The following LMOD3 variants were observed in gnomAD, a reference collection of about 807,000 sequenced individuals.
LMOD3 encodes leiomodin-3.
A neutral mutation model predicts 41.8 loss-of-function variants in LMOD3; 31 were observed. The ratio of observed to expected loss-of-function variants is 0.74; its 90% CI spans 0.56 to 1.00. LMOD3 has a LOEUF of 1.00. LMOD3 is among the 50% of genes least tolerant of loss of function. The pLI, the probability that LMOD3 is intolerant of heterozygous loss-of-function variation, is 0.00. For missense variants in LMOD3, 755 were observed against 679.5 expected (o/e 1.11, Z -1.23); for synonymous variants, 292 against 241.9 (o/e 1.21, Z -1.92).
intron 2 of LMOD3, among the ~76,000 whole-genome samples, chr3:69,113,484 T>G (rs566781708): frequency 6.6e-6 from 1 of 152,312 alleles, no homozygotes; most frequent in East Asian, 1.9e-4. Context: ...TGAAGATGAA[T>G]GCTGAAGGGT....
At position 69,106,632 on chromosome 3, in the gene LMOD3, T is replaced by C. The variant is rs1288952281; in HGVS notation, c.*2463A>G. 2.0e-5 allele frequency among the ~76,000 whole-genome samples: 3 copies of C among 152,070 alleles called. No individual in the cohort carries two copies. The East Asian group carries it at 5.8e-4, about 29-fold the overall frequency. ...ATAAAAACCCTCTTACTGTGCATTT[T>C]GAAATTCCTGACTTTAATAATACTG... On this transcript the variant is annotated 3_prime_UTR_variant, in exon 3 of 3. Transcript: ENST00000420581.
At chr3:69,121,791 G>A (rs911706760) in intron 1 of LMOD3, among the ~76,000 whole-genome samples, 4 of 152,156 alleles carry the variant, frequency 2.6e-5, no homozygotes, top group African/African-American at 9.7e-5. Flanking sequence ...ACTGCCTCTG[G>A]GTTATGAGTT....
At position 69,119,857 on chromosome 3, in the gene LMOD3, ACT is replaced by A. The variant is rs2092398694; in HGVS notation, c.496_497del (p.Ser166Ter). On this transcript the variant is annotated frameshift_variant, in exon 2 of 3. Transcript: ENST00000420581. LOFTEE classifies it high-confidence loss of function. Reference protein sequence around the residue: ...DDEGEDDGEESEETNREEEGK... With the variant: ...DDEGEDDGEEXEETNREEEGK... ...CTTCCTCTTCTCTGTTCGTTTCTTC[ACT>A]CTCTTCACCATCATCTTCTCCTTCG... 2.6e-6 allele frequency: 4 copies of A among 1,556,500 alleles called. No individual in the cohort carries two copies. In the Admixed American group the frequency reaches 5.9e-5, roughly 23 times the overall value.
intron 2 of LMOD3, among the ~76,000 whole-genome samples, chr3:69,110,197 C>G (rs569850198): frequency 6.2e-4 from 95 of 152,018 alleles, no homozygotes; most frequent in South Asian, 1.7e-3. Context: ...CCAGCTTGAA[C>G]AACAAAGTGA....
rs547498812 is a variant in LMOD3, at chr3:69,110,981, A to G, written c.1657-1860T>C. Among the ~76,000 whole-genome samples the G allele has an allele frequency of 3.3e-5, 5 of 151,490 alleles. No homozygotes were observed. In the South Asian group the frequency reaches 1.1e-3, roughly 32 times the overall value. The stretch of plus-strand genomic sequence containing the variant: ...GCCTCATAGGAAAACCTTAAGGACA[A>G]AGCAAGTTTTTAAAGGGTTTCAAGT... On this transcript the variant is annotated intron_variant, in intron 2 of 2. Transcript: ENST00000420581.
chr3:69,113,541 G>T (rs2092358671), intron 2 of LMOD3, among the ~76,000 whole-genome samples: 1 of 152,212 alleles, frequency 6.6e-6, no homozygotes, highest in South Asian at 2.1e-4. Context: ...ATGTGTCATG[G>T]AGTCTTTTGA....
chr3:69,110,852 A>ATT (rs1391932505), intron 2 of LMOD3, among the ~76,000 whole-genome samples: 1 of 132,710 alleles, frequency 7.5e-6, no homozygotes, highest in African/African-American at 3.0e-5. Flanking sequence ...AAAAAAAAAA[A>ATT]AATATATATA....
chr3:69,110,919 A>G (rs1186118235), intron 2 of LMOD3, among the ~76,000 whole-genome samples: 1 of 148,908 alleles, frequency 6.7e-6, no homozygotes, highest in Non-Finnish European at 1.5e-5. Flanking sequence ...TAAAACAACA[A>G]CAGAAGTCCA....
intron 2 of LMOD3, among the ~76,000 whole-genome samples, chr3:69,116,500 A>C (rs72924880): frequency 0.029 from 4,423 of 152,300 alleles, 185 homozygotes; most frequent in African/African-American, 0.092. Context: ...CACCACCACC[A>C]AATACACTTA....
Position 69,107,015 on chromosome 3 carries a change from C to G in LMOD3, c.*2080G>C, listed in dbSNP as rs1209486016. The stretch of plus-strand genomic sequence containing the variant: ...GAGCCACCGCACCGGCCTAGAATTT[C>G]AACTACTAATTTACATTAAGCTTTT... On this transcript the variant is annotated 3_prime_UTR_variant, in exon 3 of 3. Transcript: ENST00000420581. 1 of 151,552 alleles carries G rather than the reference C, an allele frequency of 6.6e-6. No individual in the cohort carries two copies. The highest frequency in any genetic ancestry group is 1.5e-5 in the Non-Finnish European group (1 of 67,876). The allele number at this position is 151,552 out of a possible 1,614,324, so 9.4% of individuals were successfully genotyped here. A position where few individuals can be genotyped will look rare whatever the true frequency, so the allele number is the denominator to read the frequency against.
At chr3:69,114,581 C>T (rs2092362973) in intron 2 of LMOD3, among the ~76,000 whole-genome samples, 1 of 152,232 alleles carries the variant, frequency 6.6e-6, no homozygotes, top group African/African-American at 2.4e-5. Context: ...CATCTTGGCT[C>T]ACTGCAAACT....
At chr3:69,117,833 G>GTTTT (rs374336943) in intron 2 of LMOD3, among the ~76,000 whole-genome samples, 4 of 132,140 alleles carry the variant, frequency 3.0e-5, no homozygotes, top group East Asian at 2.3e-4. Context: ...AATTTGGGTG[G>GTTTT]TTTTTTTTTT....
At chr3:69,118,588 G>A (rs766605098) in intron 2 of LMOD3, 111 bp downstream of exon 2, 80 of 1,240,450 alleles carry the variant, frequency 6.4e-5, no homozygotes, top group Non-Finnish European at 8.6e-5. Context: ...GCTTCCCCCA[G>A]TTGGTCTCAA....
Position 69,107,115 on chromosome 3 carries a change from G to A in LMOD3, c.*1980C>T, listed in dbSNP as rs2092326094. 6.6e-6 allele frequency: 1 copy of A among 151,760 alleles called. No individual in the cohort carries two copies. The highest frequency in any genetic ancestry group is 2.4e-5 in the African/African-American group (1 of 41,312). 9.4% of individuals were successfully genotyped at this position (151,760 alleles called of 1,614,324 possible). A position where few individuals can be genotyped will look rare whatever the true frequency, so the allele number is the denominator to read the frequency against. ...GTATGTGCTAGACACTTGAAGTTTT[G>A]TTTGTTACAGCCCTTTCTTAGCTAT... is the stretch of plus-strand genomic sequence containing the variant. On this transcript the variant is annotated 3_prime_UTR_variant, in exon 3 of 3. Coordinates refer to ENST00000420581, the MANE Select transcript of LMOD3 (RefSeq NM_198271.5).
rs1416405935 is a variant in LMOD3, at chr3:69,107,919, T to C, written c.*1176A>G. ...GGACAGATTGGAGTTGTCTGGAAAA[T>C]TTTTTATGGAGGACACAGGATCTGA... On this transcript the variant is annotated 3_prime_UTR_variant, in exon 3 of 3. Transcript: ENST00000420581. 6.6e-6 allele frequency: 1 copy of C among 152,060 alleles called. No individual in the cohort carries two copies. Among genetic ancestry groups the C allele is most frequent in the African/African-American group, 2.4e-5 (1 of 41,390 alleles). The allele number at this position is 152,060 out of a possible 1,614,324, so 9.4% of individuals were successfully genotyped here. A position where few individuals can be genotyped will look rare whatever the true frequency, so the allele number is the denominator to read the frequency against.
At chr3:69,110,419 G>T (rs978787995) in intron 2 of LMOD3, among the ~76,000 whole-genome samples, 1 of 150,862 alleles carries the variant, frequency 6.6e-6, no homozygotes, top group East Asian at 2.0e-4. Context: ...TAGTAGAGAC[G>T]GGGTTTCACC....
rs754255126 is a variant in LMOD3 at position 69,118,728 on chromosome 3, G to T, written c.1627C>A (p.Arg543Ser). The change falls in exon 2 of 3, where the codon CGT (arginine) becomes AGT (serine). Residue 543 changes from arginine to serine, a missense_variant. Transcript: ENST00000420581. The part of the protein sequence containing the change: ...TPRDQLLNDI[R>S]HSSVAYLKPV... Reference sequence around the variant, plus strand: ...TTAAGATAGGCGACACTGCTGTGACGAATGTCGTTTAGCAGCTGATCTCTG... The same window carrying T: ...TTAAGATAGGCGACACTGCTGTGACTAATGTCGTTTAGCAGCTGATCTCTG... The T allele has an allele frequency of 1.2e-6, 2 of 1,612,782 alleles. No individual in the cohort carries two copies. Among genetic ancestry groups the T allele is most frequent in the South Asian group, 2.2e-5 (2 of 90,958 alleles).
At chr3:69,114,324 A>T (rs755008228) in intron 2 of LMOD3, among the ~76,000 whole-genome samples, 1 of 152,186 alleles carries the variant, frequency 6.6e-6, no homozygotes, top group Non-Finnish European at 1.5e-5. Flanking sequence ...ATCTGACCTC[A>T]TGCTTTACCA....
In LMOD3 at chr3:69,122,291, C is replaced by T. The variant is rs376264628; in HGVS notation, c.96G>A (p.Leu32=). The change falls in exon 1 of 3, where the codon CTG becomes CTA. Residue 32 remains leucine, a synonymous_variant. Coordinates refer to ENST00000420581, the MANE Select transcript of LMOD3 (RefSeq NM_198271.5). ...CTTCCATTTCCGACTGCAGTTCTTT[C>T]AGTTCTTCAGCAGACAAGTTGGCCA... The part of the protein sequence containing the change: ...EILANLSAEE[L]KELQSEMEVM... 1 of 1,613,436 alleles carries T rather than the reference C, an allele frequency of 6.2e-7. No homozygotes were observed. Among genetic ancestry groups the T allele is most frequent in the South Asian group, 1.1e-5 (1 of 90,990 alleles).
Sources: allele counts gnomAD v4.1 joint callset (sites outside exome capture counted in the v4.1 genomes callset), GRCh38; gene constraint gnomAD v4.1.1; transcripts MANE v1.5; gene names NCBI Gene and HGNC (gene_info 2026-07-23, HGNC 2026-07-21).